Variants in COL15A1 observed in about 807,000 individuals in gnomAD.
The protein encoded by COL15A1 is collagen type XV alpha 1 chain.
Under a neutral mutation model 165.9 loss-of-function variants are expected in COL15A1, and 111 were observed. The ratio of observed to expected loss-of-function variants is 0.67; its 90% CI spans 0.57 to 0.78. The LOEUF (loss-of-function observed/expected upper bound fraction) is 0.78. Ranked by LOEUF, COL15A1 falls within the 30% of genes least tolerant of loss-of-function variation. COL15A1 has a pLI of 0.00. For missense variants in COL15A1, 1,745 were observed against 1,789.7 expected (o/e 0.98, Z 0.45); for synonymous variants, 659 against 674.8 (o/e 0.98, Z 0.36).
intron 16 of COL15A1, among the ~76,000 whole-genome samples, chr9:99,033,629 C>T (rs535801310): frequency 2.8e-4 from 42 of 152,302 alleles, no homozygotes; most frequent in Middle Eastern, 3.4e-3. Flanking sequence ...TTTTTGAGCA[C>T]GGCTATTTTA....
At chr9:99,054,489 T>G (rs1420288443) in intron 31 of COL15A1, 87 bp from the exon 32 acceptor site, 47 of 1,420,662 alleles carry the variant, frequency 3.3e-5, no homozygotes, top group Non-Finnish European at 4.0e-5. Context: ...CTAAATGAGC[T>G]TAGTTTGAAA....
At chr9:99,054,470 T>G (rs1588535979) in intron 31 of COL15A1, 106 bp from the exon 32 acceptor site, 1 of 1,245,932 alleles carries the variant, frequency 8.0e-7, no homozygotes. Context: ...TTTGTTTGAG[T>G]GGACTTTGCT....
At chr9:99,061,312 T>G (rs1025574864) in intron 36 of COL15A1, among the ~76,000 whole-genome samples, 2 of 152,222 alleles carry the variant, frequency 1.3e-5, no homozygotes, top group Non-Finnish European at 2.9e-5. Flanking sequence ...AAATAAAAAC[T>G]CTCTTGGCCG....
chr9:99,058,820 C>T (rs1240719237), intron 35 of COL15A1, among the ~76,000 whole-genome samples: 11 of 152,166 alleles, frequency 7.2e-5, no homozygotes, highest in Non-Finnish European at 2.9e-5. Context: ...GCCCTCTATC[C>T]ACTAGACATT....
At chr9:98,990,615 A>C (rs866501210) in intron 5 of COL15A1, among the ~76,000 whole-genome samples, 2 of 152,240 alleles carry the variant, frequency 1.3e-5, no homozygotes, top group Admixed American at 1.3e-4. Flanking sequence ...CCAACAGCCC[A>C]AGGTTGCCCT....
In COL15A1 at chr9:99,055,132, A is replaced by G; in HGVS notation, c.3062A>G (p.His1021Arg). The G allele has an allele frequency of 6.2e-7, 1 of 1,613,608 alleles. No individual in the cohort carries two copies. Among genetic ancestry groups the G allele is most frequent in the Non-Finnish European group, 8.5e-7 (1 of 1,179,496 alleles). Reference protein sequence around the residue: ...GPPLDLAYLRHFLNNLKGENG... With the variant: ...GPPLDLAYLRRFLNNLKGENG... ...CCACTTGATCTAGCTTACCTGAGACACTTTCTGAACAACTTGAAGGTGAGT... is the reference window on the plus strand; with the variant it reads ...CCACTTGATCTAGCTTACCTGAGACGCTTTCTGAACAACTTGAAGGTGAGT... Residue 1021 changes from histidine (H) to arginine (R), a missense_variant, in exon 33 of 42, where the codon CAC (histidine) becomes CGC (arginine). Physicochemically the swap from His to Arg is conservative, Grantham distance 29. Transcript: ENST00000375001.
intron 16 of COL15A1, among the ~76,000 whole-genome samples, chr9:99,028,687 G>A (rs1459130910): frequency 1.3e-5 from 2 of 151,980 alleles, no homozygotes; most frequent in East Asian, 3.9e-4. Flanking sequence ...AACAGACTTG[G>A]GGGAAAGGGT....
At chr9:99,039,852 G>A (rs555447186) in intron 22 of COL15A1, among the ~76,000 whole-genome samples, 272 of 152,322 alleles carry the variant, frequency 1.8e-3, no homozygotes, top group African/African-American at 6.0e-3. Context: ...GTGGAGACAG[G>A]TTTATGCCTT....
chr9:99,056,195 G>A, intron 34 of COL15A1, 65 bp from the exon 35 acceptor site: 1 of 1,433,422 alleles, frequency 7.0e-7, no homozygotes, highest in Non-Finnish European at 9.8e-7. Flanking sequence ...CTCATAAAAG[G>A]ACTAGATGGG....
chr9:98,992,205 CA>C (rs1459181944), intron 5 of COL15A1, among the ~76,000 whole-genome samples: 2 of 152,252 alleles, frequency 1.3e-5, no homozygotes, highest in Admixed American at 6.5e-5. Context: ...AGCCCACTGC[CA>C]GGGGGCTCGG....
intron 41 of COL15A1, 108 bp from the exon 42 acceptor site, chr9:99,069,565 G>A: frequency 7.2e-7 from 1 of 1,395,864 alleles, no homozygotes; most frequent in Non-Finnish European, 9.9e-7. Flanking sequence ...TTTGGCATCA[G>A]GGTTAAGGAG....
chr9:99,023,727 C>T (rs1476603179), intron 14 of COL15A1, among the ~76,000 whole-genome samples: 3 of 152,222 alleles, frequency 2.0e-5, no homozygotes, highest in South Asian at 2.1e-4. Flanking sequence ...GCTTCTTGAG[C>T]AGGCTGCCCT....
In COL15A1 at chr9:99,054,533, G is replaced by A. The variant is rs367593808; in HGVS notation, c.2951-43G>A. 5.1e-6 allele frequency: 8 copies of A among 1,565,414 alleles called. No homozygotes were observed. The African/African-American group carries it at 1.1e-4, about 22-fold the overall frequency. On this transcript the variant is annotated intron_variant, in intron 31 of 41. Transcript: ENST00000375001. ...CAGAAAGGTTTTATATAGAAAGAAG[G>A]TGATTTTCCATTTTTTTTTAACATG...
intron 9 of COL15A1, among the ~76,000 whole-genome samples, chr9:99,007,302 C>T (rs909742807): frequency 1.4e-4 from 22 of 152,150 alleles, no homozygotes; most frequent in Admixed American, 1.4e-3. Flanking sequence ...TTAGTAGATA[C>T]CTTTTAAAGG....
At chr9:98,947,724 T>C (rs939076204) in intron 2 of COL15A1, among the ~76,000 whole-genome samples, 1 of 152,180 alleles carries the variant, frequency 6.6e-6, no homozygotes, top group African/African-American at 2.4e-5. Context: ...CCTCCAGGTC[T>C]CTGGATCGAC....
intron 22 of COL15A1, 140 bp from the exon 23 acceptor site, chr9:99,040,381 T>C (rs930752063): frequency 2.9e-6 from 4 of 1,386,298 alleles, no homozygotes; most frequent in Non-Finnish European, 4.0e-6. Context: ...GGGCCCCTTC[T>C]TCCCTAATGC....
intron 16 of COL15A1, among the ~76,000 whole-genome samples, chr9:99,027,224 G>A (rs1048224370): frequency 6.6e-6 from 1 of 152,206 alleles, no homozygotes; most frequent in African/African-American, 2.4e-5. Context: ...GGGGTCTAGA[G>A]GAGGAAGAGA....
chr9:99,010,756 G>T (rs913600152), intron 9 of COL15A1, among the ~76,000 whole-genome samples: 1 of 152,180 alleles, frequency 6.6e-6, no homozygotes, highest in Non-Finnish European at 1.5e-5. Context: ...TTATATGGAC[G>T]TAATAACCTT....
rs776133028 is a variant in COL15A1 at position 99,024,972 on chromosome 9, T to C, written c.1953T>C (p.Asp651=). Residue 651 remains aspartate, a synonymous_variant, in exon 15 of 42, where the codon GAT becomes GAC. Coordinates refer to ENST00000375001, the MANE Select transcript of COL15A1 (RefSeq NM_001855.5). ...GACCCCCTGGATCTCCTGGAGAGGATGGACCTGCTGGTGAACCTGGGCCCC... is the reference window on the plus strand; with the variant it reads ...GACCCCCTGGATCTCCTGGAGAGGACGGACCTGCTGGTGAACCTGGGCCCC... ...FMGPPGSPGE[D]GPAGEPGPPG... is the part of the protein sequence containing the mutation. 2.5e-6 allele frequency: 4 copies of C among 1,613,790 alleles called. No homozygotes were observed. The Admixed American group carries it at 5.0e-5, about 20-fold the overall frequency.
Sources: allele counts gnomAD v4.1 joint callset (sites outside exome capture counted in the v4.1 genomes callset), GRCh38; gene constraint gnomAD v4.1.1; transcripts MANE v1.5; gene names NCBI Gene and HGNC (gene_info 2026-07-23, HGNC 2026-07-21).